Variants in FOXP1 observed in about 807,000 individuals in gnomAD.
The protein encoded by FOXP1 is forkhead box P1, also known as forkhead box protein P1.
In FOXP1, 15 loss-of-function variants were observed where a neutral mutation model predicts 98.2. That is an observed-to-expected ratio of 0.15 (90% confidence interval 0.10 to 0.24). The LOEUF (loss-of-function observed/expected upper bound fraction) is 0.24. Ranked by LOEUF, FOXP1 falls within the 10% of genes least tolerant of loss-of-function variation. The pLI is 1.00. For missense variants in FOXP1, 633 were observed against 848.5 expected (o/e 0.75, Z 3.15); for synonymous variants, 371 against 314.5 (o/e 1.18, Z -1.90).
intron 3 of FOXP1, among the ~76,000 whole-genome samples, chr3:71,383,830 G>A (rs893237318): frequency 1.3e-5 from 2 of 152,186 alleles, no homozygotes; most frequent in East Asian, 1.9e-4. Context: ...CCAGAAGAAT[G>A]AGAGGTGAGA....
At chr3:71,203,938 G>GAGGAAGGAAGGAAGGA (rs3033228) in intron 5 of FOXP1, among the ~76,000 whole-genome samples, 1,739 of 131,398 alleles carry the variant, frequency 0.013, 24 homozygotes, top group African/African-American at 0.021. Flanking sequence ...GAAAAGGAAG[G>GAGGAAGGAAGGAAGGA]AGGAAGGAAG....
intron 6 of FOXP1, among the ~76,000 whole-genome samples, chr3:71,197,637 G>A (rs1205850543): frequency 6.6e-6 from 1 of 152,146 alleles, no homozygotes; most frequent in Non-Finnish European, 1.5e-5. Flanking sequence ...GGGAACATAT[G>A]TAAATACTCT....
intron 2 of FOXP1, among the ~76,000 whole-genome samples, chr3:71,565,617 C>T (rs995933521): frequency 6.6e-6 from 1 of 152,078 alleles, no homozygotes. Flanking sequence ...AGTATATTTT[C>T]GGTAGTCAAA....
chr3:71,479,334 A>G (rs1055328481), intron 3 of FOXP1, among the ~76,000 whole-genome samples: 1 of 152,242 alleles, frequency 6.6e-6, no homozygotes, highest in Admixed American at 6.5e-5. Context: ...GGTTAAGAAC[A>G]GTCACTGTTT....
intron 3 of FOXP1, 90 bp downstream of exon 3, chr3:71,493,336 G>A (rs1407179108): frequency 6.6e-6 from 1 of 152,152 alleles, no homozygotes; most frequent in Non-Finnish European, 1.5e-5. Flanking sequence ...TTCAAGATAA[G>A]AATCTCTCAT....
chr3:71,250,640 G>GT (rs942411539), intron 5 of FOXP1, among the ~76,000 whole-genome samples: 3 of 152,202 alleles, frequency 2.0e-5, no homozygotes, highest in South Asian at 2.1e-4. Flanking sequence ...AATTGAAAGT[G>GT]TTTTTTGCGT....
At chr3:71,244,583 G>T (rs1232675441) in intron 5 of FOXP1, among the ~76,000 whole-genome samples, 1 of 151,998 alleles carries the variant, frequency 6.6e-6, no homozygotes, top group Non-Finnish European at 1.5e-5. Flanking sequence ...GCAGGAAAAG[G>T]CTTCTAATGA....
intron 4 of FOXP1, among the ~76,000 whole-genome samples, chr3:71,323,318 A>G (rs889923580): frequency 6.6e-5 from 10 of 152,156 alleles, no homozygotes; most frequent in African/African-American, 1.2e-4. Context: ...TTAAGTTAGA[A>G]TGAAGTAGTA....
intron 5 of FOXP1, among the ~76,000 whole-genome samples, chr3:71,211,090 T>C (rs962129038): frequency 6.6e-5 from 10 of 152,182 alleles, no homozygotes; most frequent in African/African-American, 2.2e-4. Flanking sequence ...GGGGTACTCT[T>C]TTCTGTTTGA....
chr3:71,356,425 C>T (rs1319068833), intron 4 of FOXP1, among the ~76,000 whole-genome samples: 2 of 151,934 alleles, frequency 1.3e-5, no homozygotes, highest in African/African-American at 2.4e-5. Context: ...CAATGGACTG[C>T]GAAACATGCG....
chr3:71,360,814 G>A (rs1447909001), intron 3 of FOXP1: 1 of 152,170 alleles, frequency 6.6e-6, no homozygotes, highest in Non-Finnish European at 1.5e-5. Context: ...TACTCAGATG[G>A]AGAAGTTGAA....
intron 13 of FOXP1, among the ~76,000 whole-genome samples, chr3:70,988,347 TAA>T (rs2040091437): frequency 6.6e-6 from 1 of 152,194 alleles, no homozygotes; most frequent in Admixed American, 6.5e-5. Context: ...CACAGACAGC[TAA>T]AAGACAAATG....
At chr3:71,580,399 G>A (rs1395665136) in intron 2 of FOXP1, among the ~76,000 whole-genome samples, 1 of 99,480 alleles carries the variant, frequency 1.0e-5, no homozygotes, top group Non-Finnish European at 2.5e-5. Context: ...AAAGACAGAG[G>A]GGGGAAAAAA....
intron 11 of FOXP1, among the ~76,000 whole-genome samples, chr3:71,028,305 A>G (rs911909029): frequency 1.3e-5 from 2 of 152,218 alleles, no homozygotes; most frequent in African/African-American, 4.8e-5. Context: ...GTAGAATGCC[A>G]CACCATAAGG....
chr3:71,286,696 G>GAAACA (rs1425534455), intron 5 of FOXP1, among the ~76,000 whole-genome samples: 9 of 152,158 alleles, frequency 5.9e-5, no homozygotes, highest in African/African-American at 2.2e-4. Context: ...ATTCAAATCA[G>GAAACA]AAACAAAACA....
At chr3:71,575,434 T>G (rs141239726) in intron 2 of FOXP1, among the ~76,000 whole-genome samples, 1 of 152,136 alleles carries the variant, frequency 6.6e-6, no homozygotes, top group Non-Finnish European at 1.5e-5. Flanking sequence ...ATCTGTATTT[T>G]AATAACCTAC....
intron 4 of FOXP1, among the ~76,000 whole-genome samples, chr3:71,342,583 C>T (rs2077075159): frequency 6.6e-6 from 1 of 151,764 alleles, no homozygotes; most frequent in South Asian, 2.1e-4. Context: ...GTTCCAGCTA[C>T]TTAGGAGGCT....
At chr3:71,321,900 G>A (rs570859738) in intron 4 of FOXP1, among the ~76,000 whole-genome samples, 8 of 152,178 alleles carry the variant, frequency 5.3e-5, no homozygotes, top group African/African-American at 9.7e-5. Flanking sequence ...GATTACAGGC[G>A]TGAGCCACTG....
intron 6 of FOXP1, among the ~76,000 whole-genome samples, chr3:71,180,782 T>A (rs1413913034): frequency 6.6e-6 from 1 of 152,170 alleles, no homozygotes; most frequent in African/African-American, 2.4e-5. Context: ...GTTTTTTAAG[T>A]TATGAGCCCC....
Sources: allele counts gnomAD v4.1 joint callset (sites outside exome capture counted in the v4.1 genomes callset), GRCh38; gene constraint gnomAD v4.1.1; transcripts MANE v1.5; gene names NCBI Gene and HGNC (gene_info 2026-07-23, HGNC 2026-07-21).